The following CNGB3 variants were observed in gnomAD, a reference collection of about 807,000 sequenced individuals.
CNGB3 encodes the protein cyclic nucleotide-gated channel beta-3.
Under a neutral mutation model 92.8 loss-of-function variants are expected in CNGB3, and 86 were observed. That is an observed-to-expected ratio of 0.93 (90% CI 0.78 to 1.11). The LOEUF (loss-of-function observed/expected upper bound fraction) is 1.11, where lower values mean the gene tolerates loss of function less well. Ranked by LOEUF, CNGB3 falls within the 50% of genes least tolerant of loss-of-function variation. The pLI is 0.00. For synonymous variants in CNGB3, 333 were observed against 332.7 expected (o/e 1.00, Z -0.01); for missense variants, 1,026 against 956.8 (o/e 1.07, Z -0.95).
At chr8:86,664,944 A>T (rs570796534) in intron 6 of CNGB3, among the ~76,000 whole-genome samples, 2 of 152,278 alleles carry the variant, frequency 1.3e-5, no homozygotes, top group African/African-American at 2.4e-5. Context: ...GCAATGGTGG[A>T]AATCTTCTGT....
At chr8:86,664,925 G>A (rs1305278969) in intron 6 of CNGB3, among the ~76,000 whole-genome samples, 1 of 152,056 alleles carries the variant, frequency 6.6e-6, no homozygotes, top group African/African-American at 2.4e-5. Flanking sequence ...CTGAATAATA[G>A]TATATTTTGC....
At chr8:86,669,295 G>T (rs1440048587) in intron 4 of CNGB3, among the ~76,000 whole-genome samples, 2 of 152,046 alleles carry the variant, frequency 1.3e-5, no homozygotes, top group Non-Finnish European at 2.9e-5. Context: ...AACAAATCAT[G>T]TTGTATATCT....
chr8:86,590,989 G>T lies in CNGB3; in HGVS notation c.1782-11737C>A, dbSNP rs1822020175. Among the ~76,000 whole-genome samples the T allele has an allele frequency of 2.0e-5, 3 of 152,210 alleles. No homozygotes were observed. In the South Asian group the frequency reaches 6.2e-4, roughly 32 times the overall value. ...CTTTCAGGTACACCAATCAGACGTA[G>T]ATTTGGTCTTTTCACATAGTCCCAT... is the stretch of plus-strand genomic sequence containing the variant. On this transcript the variant is annotated intron_variant, in intron 15 of 17. Transcript: ENST00000320005.
chr8:86,683,154 C>T (rs902260204), intron 3 of CNGB3, among the ~76,000 whole-genome samples: 16 of 152,108 alleles, frequency 1.1e-4, no homozygotes, highest in African/African-American at 3.9e-4. Context: ...AAAGAATTAA[C>T]AGCACCTAAT....
chr8:86,699,577 T>A (rs1824514279), intron 3 of CNGB3, among the ~76,000 whole-genome samples: 1 of 152,246 alleles, frequency 6.6e-6, no homozygotes, highest in African/African-American at 2.4e-5. Flanking sequence ...GGATTCTTGC[T>A]GAATATGATA....
chr8:86,599,928 A>G (rs931935938), intron 15 of CNGB3, among the ~76,000 whole-genome samples: 12 of 151,306 alleles, frequency 7.9e-5, no homozygotes, highest in Non-Finnish European at 1.5e-4. Flanking sequence ...CTGTTCATAC[A>G]CTCCCTCCCC....
intron 6 of CNGB3, among the ~76,000 whole-genome samples, chr8:86,664,590 T>G (rs575601091): frequency 3.3e-5 from 5 of 152,334 alleles, no homozygotes; most frequent in Non-Finnish European, 5.9e-5. Flanking sequence ...TTTCTGTTTC[T>G]TAGATTGATT....
chr8:86,587,162 T>C (rs1274788552), intron 15 of CNGB3, among the ~76,000 whole-genome samples: 2 of 147,652 alleles, frequency 1.4e-5, no homozygotes, highest in Non-Finnish European at 3.0e-5. Context: ...TTCATGTCCT[T>C]TGCCCACTTT....
At chr8:86,648,285 G>T (rs2044009) in intron 7 of CNGB3, among the ~76,000 whole-genome samples, 1 of 150,992 alleles carries the variant, frequency 6.6e-6, no homozygotes, top group Non-Finnish European at 1.5e-5. Flanking sequence ...TACTTTCATT[G>T]TAGTGATATA....
intron 14 of CNGB3, among the ~76,000 whole-genome samples, chr8:86,610,490 C>T (rs1426428895): frequency 2.0e-5 from 3 of 147,192 alleles, no homozygotes; most frequent in African/African-American, 5.4e-5. Flanking sequence ...TTTTTCAAGA[C>T]TTAGCTCAGA....
intron 2 of CNGB3, among the ~76,000 whole-genome samples, chr8:86,731,787 T>G (rs1226195142): frequency 6.6e-6 from 1 of 152,126 alleles, no homozygotes; most frequent in Non-Finnish European, 1.5e-5. Context: ...AAGACTCCAT[T>G]TGAGAAAAAT....
At chr8:86,660,916 C>G (rs1040535243) in intron 6 of CNGB3, 2 of 297,458 alleles carry the variant, frequency 6.7e-6, no homozygotes, top group African/African-American at 4.5e-5. Context: ...AAGAAATACT[C>G]CTACCCCAGA....
intron 3 of CNGB3, among the ~76,000 whole-genome samples, chr8:86,715,069 G>A (rs919909138): frequency 6.6e-6 from 1 of 152,012 alleles, no homozygotes; most frequent in Admixed American, 6.6e-5. Flanking sequence ...TCCGTTTGCT[G>A]AAGACAAAAG....
At chr8:86,672,458 T>A (rs1264839751) in intron 3 of CNGB3, among the ~76,000 whole-genome samples, 3 of 152,142 alleles carry the variant, frequency 2.0e-5, no homozygotes, top group Admixed American at 2.0e-4. Flanking sequence ...AGAGTAGACA[T>A]TAGGATACTT....
intron 3 of CNGB3, among the ~76,000 whole-genome samples, chr8:86,694,609 C>T (rs1196685549): frequency 6.6e-6 from 1 of 151,998 alleles, no homozygotes; most frequent in Non-Finnish European, 1.5e-5. Context: ...AGACGCTCCT[C>T]ACCTCCCAGA....
At position 86,579,098 on chromosome 8, in the gene CNGB3, G is replaced by A. The variant is rs1220205049; in HGVS notation, c.1928+8C>T. The A allele has an allele frequency of 1.9e-6, 3 of 1,613,978 alleles. No homozygotes were observed. On this transcript the variant is annotated splice_region_variant and intron_variant, in intron 16 of 17. Coordinates refer to ENST00000320005, the MANE Select transcript of CNGB3 (RefSeq NM_019098.5). ...CATCCATCTCTAATGGTGTTTTAAAGGTTGTACCTGGCTTTCTTCATGAGG... is the reference window on the plus strand; with the variant it reads ...CATCCATCTCTAATGGTGTTTTAAAAGTTGTACCTGGCTTTCTTCATGAGG...
intron 13 of CNGB3, among the ~76,000 whole-genome samples, chr8:86,622,613 T>G (rs904506138): frequency 6.6e-6 from 1 of 152,058 alleles, no homozygotes; most frequent in African/African-American, 2.4e-5. Context: ...ACAGAATAAT[T>G]TATGTTGCCC....
chr8:86,740,580 G>A (rs980057593), intron 1 of CNGB3, among the ~76,000 whole-genome samples: 15 of 152,270 alleles, frequency 9.9e-5, no homozygotes, highest in African/African-American at 2.9e-4. Flanking sequence ...TGGTTGGATG[G>A]GACAAAGGGT....
At chr8:86,602,073 G>A (rs936507784) in intron 15 of CNGB3, among the ~76,000 whole-genome samples, 9 of 152,148 alleles carry the variant, frequency 5.9e-5, no homozygotes, top group African/African-American at 2.2e-4. Context: ...CTTGGGAAAG[G>A]TCAGCTAATT....
Sources: gnomAD v4.1 joint callset for allele counts (sites outside exome capture counted in the v4.1 genomes callset) on GRCh38, gnomAD v4.1.1 for gene constraint, MANE v1.5 for transcripts, NCBI Gene and HGNC (gene_info 2026-07-23, HGNC 2026-07-21) for gene names.